The following PLEKHM1 variants were observed in gnomAD, a reference collection of about 807,000 sequenced individuals.
The protein encoded by PLEKHM1 is pleckstrin homology and RUN domain containing M1.
In PLEKHM1, 28 loss-of-function variants were observed where a neutral mutation model predicts 94.3. The ratio of observed to expected loss-of-function variants is 0.30; its 90% CI spans 0.22 to 0.41. PLEKHM1 has a LOEUF of 0.41. PLEKHM1 is among the 10% of genes least tolerant of loss of function. PLEKHM1 has a pLI of 1.00. For synonymous variants in PLEKHM1, 424 were observed against 581.2 expected, an observed-to-expected ratio of 0.73 and a Z score of 3.89; for missense variants, 907 against 1,358.6, an observed-to-expected ratio of 0.67 and a Z score of 5.22.
chr17:45,468,080 A>G (rs1259220496), intron 5 of PLEKHM1, 129 bp downstream of exon 5: 1 of 963,154 alleles, frequency 1.0e-6, no homozygotes, highest in Non-Finnish European at 1.6e-6. Flanking sequence ...TGCTATTAAC[A>G]CTATCACTAT....
In PLEKHM1 at chr17:45,444,878, A is replaced by G. The variant is rs1035943134; in HGVS notation, c.2837+592T>C. 5.3e-5 allele frequency among the ~76,000 whole-genome samples: 8 copies of G among 150,766 alleles called. No homozygotes were observed. The highest frequency in any genetic ancestry group is 2.0e-4 in the East Asian group (1 of 5,124). ...TCCTGCCTCTCACCCTCACCCCCAG[A>G]TGGAGTTGCTGGCTTTCCCACCTGT... On this transcript the variant is annotated intron_variant, in intron 9 of 11. Coordinates refer to ENST00000430334, the MANE Select transcript of PLEKHM1 (RefSeq NM_014798.3). The surrounding 1 kb of genome is among the most constrained non-coding windows in gnomAD (Gnocchi z 5.0).
chr17:45,486,245 AT>A (rs2052122653), intron 1 of PLEKHM1, among the ~76,000 whole-genome samples: 7 of 148,046 alleles, frequency 4.7e-5, no homozygotes, highest in African/African-American at 1.2e-4. Flanking sequence ...TAAAAAAATA[AT>A]AATAATAATA....
chr17:45,435,107 C>T (rs2050227653), downstream of PLEKHM1, among the ~76,000 whole-genome samples: 1 of 152,146 alleles, frequency 6.6e-6, no homozygotes, highest in Non-Finnish European at 1.5e-5. Context: ...GGGCCTCCCT[C>T]TCCCAGTTTC....
intron 5 of PLEKHM1, among the ~76,000 whole-genome samples, chr17:45,461,256 T>G (rs1304001599): frequency 6.6e-6 from 1 of 152,196 alleles, no homozygotes. Flanking sequence ...TAATTCAAGT[T>G]GTAAGGTGCT....
chr17:45,477,726 C>T, intron 3 of PLEKHM1, 174 bp downstream of exon 3: 3 of 714,462 alleles, frequency 4.2e-6, no homozygotes, highest in Non-Finnish European at 7.3e-6. Flanking sequence ...GGCTGGGAAG[C>T]TTGGTCTAGA....
chr17:45,435,429 AGCC>A (rs1286547642), downstream of PLEKHM1, among the ~76,000 whole-genome samples: 11 of 152,190 alleles, frequency 7.2e-5, no homozygotes, highest in Non-Finnish European at 1.3e-4. Flanking sequence ...AGTCATTTTG[AGCC>A]CTAAAACCAT....
rs1325325467 is a variant in PLEKHM1, at chr17:45,445,941, G to A, written c.2644-278C>T. On this transcript the variant is annotated intron_variant, in intron 8 of 11. Coordinates refer to ENST00000430334, the MANE Select transcript of PLEKHM1 (RefSeq NM_014798.3). This position sits in a 1 kb window ranked among gnomAD's most constrained non-coding sequence, Gnocchi z 4.2. ...TCCCCAATCATGCTGAGATGAGGGA[G>A]GGACTGCTCTGATAACGCCCCCTCC... 2.0e-5 allele frequency among the ~76,000 whole-genome samples: 3 copies of A among 152,150 alleles called. No individual in the cohort carries two copies. The highest frequency in any genetic ancestry group is 4.8e-5 in the African/African-American group (2 of 41,440).
At position 45,481,725 on chromosome 17, in the gene PLEKHM1, G is replaced by A. The variant is rs576369465; in HGVS notation, c.48+712C>T. Among the ~76,000 whole-genome samples the A allele has an allele frequency of 2.5e-3, 380 of 150,994 alleles. 1 individual carries two copies. The highest frequency in any genetic ancestry group is 8.7e-3 in the African/African-American group (355 of 41,016). ...TGCATGAAAGCCAGCTGGGAAACAG[G>A]TGGAGCTGGACTCTCCTGTGGCCAG... On this transcript the variant is annotated intron_variant, in intron 2 of 11. Transcript: ENST00000430334.
intron 5 of PLEKHM1, among the ~76,000 whole-genome samples, chr17:45,461,161 G>A (rs1462866243): frequency 8.5e-5 from 13 of 152,164 alleles, no homozygotes; most frequent in South Asian, 2.1e-4. Flanking sequence ...TGCTGGGATT[G>A]CAGGCATGAG....
intron 4 of PLEKHM1, among the ~76,000 whole-genome samples, chr17:45,473,414 A>AC: frequency 6.6e-6 from 1 of 152,010 alleles, no homozygotes; most frequent in Non-Finnish European, 1.5e-5. Flanking sequence ...ACACAGTGAG[A>AC]CCCCCGTCTC....
chr17:45,468,191 A>G lies in PLEKHM1; in HGVS notation c.1308+18T>C. ...GACATTTCCCAAGACTGCCCCCTGA[A>G]CGGCTTGCACCACTCACCGGACTGG... On this transcript the variant is annotated intron_variant, in intron 5 of 11. Coordinates refer to ENST00000430334, the MANE Select transcript of PLEKHM1 (RefSeq NM_014798.3). The G allele has an allele frequency of 6.2e-7, 1 of 1,612,782 alleles. No homozygotes were observed. The highest frequency in any genetic ancestry group is 8.5e-7 in the Non-Finnish European group (1 of 1,179,820).
chr17:45,450,122 C>A (rs944817170), intron 8 of PLEKHM1, among the ~76,000 whole-genome samples: 1 of 149,576 alleles, frequency 6.7e-6, no homozygotes, highest in Non-Finnish European at 1.5e-5. Context: ...TCCACCTAGC[C>A]GCCTGCTCAT....
At chr17:45,471,925 C>T (rs144124960) in intron 4 of PLEKHM1, among the ~76,000 whole-genome samples, 161 of 152,248 alleles carry the variant, frequency 1.1e-3, no homozygotes, top group African/African-American at 3.4e-3. Flanking sequence ...CCAATCTACA[C>T]GGAAGAAGCT....
intron 8 of PLEKHM1, among the ~76,000 whole-genome samples, chr17:45,450,012 T>C (rs1326719351): frequency 3.8e-5 from 5 of 131,350 alleles, no homozygotes; most frequent in East Asian, 2.4e-4. Context: ...CACCTAACCA[T>C]CTGCTCATCC....
Position 45,454,182 on chromosome 17 carries a change from A to G in PLEKHM1, c.1670T>C (p.Leu557Pro). Residue 557 changes from leucine to proline, a missense_variant, in exon 7 of 12, where the codon CTC becomes CCC. Physicochemically the swap from Leu to Pro is moderately conservative, Grantham distance 98 (BLOSUM62 -3). Around this residue, in one of 3 missense-constraint regions of PLEKHM1, gnomAD observed 477 missense variants for 601.5 expected, o/e 0.79. Transcript: ENST00000430334. ...MGIWKELFCE[L>P]SPLEFRLYLS... Reference sequence around the variant, plus strand: ...GTAGAGGCGGAACTCCAGCGGGGAGAGCTCGCAGAAGAGCTCCTTCCAGAT... The same window carrying G: ...GTAGAGGCGGAACTCCAGCGGGGAGGGCTCGCAGAAGAGCTCCTTCCAGAT... 1 of 1,613,450 alleles carries G rather than the reference A, an allele frequency of 6.2e-7. No homozygotes were observed. The highest frequency in any genetic ancestry group is 1.1e-5 in the South Asian group (1 of 91,048).
At chr17:45,465,259 G>A (rs1480746673) in intron 5 of PLEKHM1, among the ~76,000 whole-genome samples, 3 of 151,804 alleles carry the variant, frequency 2.0e-5, no homozygotes, top group Non-Finnish European at 2.9e-5. Context: ...ATAATATACT[G>A]TAATTGCACA....
chr17:45,459,387 T>C (rs1401347500), intron 5 of PLEKHM1: 1 of 152,258 alleles, frequency 6.6e-6, no homozygotes, highest in Non-Finnish European at 1.5e-5. Flanking sequence ...CGTGACCTTT[T>C]GTGCCTGCTT....
chr17:45,445,395 ATATAAG>A lies in PLEKHM1; in HGVS notation c.2837+69_2837+74del, dbSNP rs1444990568. The A allele has an allele frequency of 9.0e-6, 11 of 1,223,840 alleles. No individual in the cohort carries two copies. The African/African-American group carries it at 1.0e-4, about 11-fold the overall frequency. 75.8% of individuals were successfully genotyped at this position (1,223,840 alleles called of 1,614,324 possible). ...TATGTGTGTCTGTGTGTACATGTGC[ATATAAG>A]TATGTGTTTGTGTGCATGCATGTGC... On this transcript the variant is annotated intron_variant, in intron 9 of 11. Coordinates refer to ENST00000430334, the MANE Select transcript of PLEKHM1 (RefSeq NM_014798.3). The surrounding 1 kb of genome is among the most constrained non-coding windows in gnomAD (Gnocchi z 4.2).
In PLEKHM1 at chr17:45,436,572, A is replaced by G. The variant is rs2050263377; in HGVS notation, c.*1286T>C. 2.2e-6 allele frequency: 1 copy of G among 452,882 alleles called. No homozygotes were observed. The highest frequency in any genetic ancestry group is 2.0e-5 in the African/African-American group (1 of 49,956). 28.1% of individuals were successfully genotyped at this position (452,882 alleles called of 1,614,324 possible). A position where few individuals can be genotyped will look rare whatever the true frequency, so the allele number is the denominator to read the frequency against. On this transcript the variant is annotated 3_prime_UTR_variant, in exon 12 of 12. Coordinates refer to ENST00000430334, the MANE Select transcript of PLEKHM1 (RefSeq NM_014798.3). Reference sequence around the variant, plus strand: ...GGACTGAGGGCCTGCTAGGTCCAGGAGAGGTGGGGGAAGGCGACAGAGAGA... The same window carrying G: ...GGACTGAGGGCCTGCTAGGTCCAGGGGAGGTGGGGGAAGGCGACAGAGAGA...
Sources: allele counts gnomAD v4.1 joint callset (sites outside exome capture counted in the v4.1 genomes callset), GRCh38; gene constraint gnomAD v4.1.1; regional missense constraint gnomAD v4.1.1; non-coding constraint Gnocchi (gnomAD v3.1); transcripts MANE v1.5; gene names NCBI Gene and HGNC (gene_info 2026-07-23, HGNC 2026-07-21).